GRK3: variants seen among roughly 807,000 people sequenced by gnomAD.
GRK3 encodes the protein adrenergic, beta, receptor kinase 2.
A neutral mutation model predicts 95.7 loss-of-function variants in GRK3; 54 were observed. The ratio of observed to expected loss-of-function variants is 0.56; its 90% confidence interval spans 0.45 to 0.71. GRK3 has a LOEUF of 0.71. Ranked by LOEUF, GRK3 falls within the 30% of genes least tolerant of loss-of-function variation. GRK3 has a pLI of 0.00. For synonymous variants in GRK3, 281 were observed against 290.8 expected, an observed-to-expected ratio of 0.97 and a Z score of 0.34; for missense variants, 649 against 851.2, an observed-to-expected ratio of 0.76 and a Z score of 2.96.
chr22:25,617,698 A>C lies in GRK3; in HGVS notation c.190+13245A>C, dbSNP rs1181752124. Among the ~76,000 whole-genome samples the C allele has an allele frequency of 2.0e-5, 3 of 152,202 alleles. No homozygotes were observed. In the East Asian group the frequency reaches 5.8e-4, roughly 29 times the overall value. ...TCATATAAATGGATTCAAACAGTAC[A>C]TGCTCTTTTGTGTCTGATTTATGTG... On this transcript the variant is annotated intron_variant, in intron 2 of 20. Coordinates refer to ENST00000324198, the MANE Select transcript of GRK3 (RefSeq NM_005160.4).
intron 1 of GRK3, among the ~76,000 whole-genome samples, chr22:25,575,110 C>A (rs558306925): frequency 6.6e-6 from 1 of 152,310 alleles, no homozygotes; most frequent in African/African-American, 2.4e-5. Flanking sequence ...ATTTAGTTGA[C>A]TGGCTTATTA....
chr22:25,674,634 T>C, intron 8 of GRK3, 106 bp downstream of exon 8: 1 of 862,622 alleles, frequency 1.2e-6, no homozygotes, highest in South Asian at 1.7e-5. Context: ...ACATTTCTTT[T>C]GAAGTACTTT....
intron 9 of GRK3, among the ~76,000 whole-genome samples, chr22:25,684,251 A>G (rs1212289521): frequency 6.6e-6 from 1 of 152,204 alleles, no homozygotes; most frequent in Admixed American, 6.5e-5. Flanking sequence ...TGTCTGAATT[A>G]CTGTTGCTTT....
rs984051977 is a variant in GRK3, at chr22:25,676,566, C to A, written c.647+2038C>A. ...ATTAGCTGGGAGTTGTCATGGGCGC[C>A]TCTAGTCCCAGCTACTCGAGAGGCT... On this transcript the variant is annotated intron_variant, in intron 8 of 20. Transcript: ENST00000324198. Among the ~76,000 whole-genome samples the A allele has an allele frequency of 2.0e-5, 3 of 151,896 alleles. No homozygotes were observed. The East Asian group carries it at 5.8e-4, about 29-fold the overall frequency.
intron 2 of GRK3, among the ~76,000 whole-genome samples, chr22:25,616,387 GGAGAGAGA>G (rs143019947): frequency 6.7e-6 from 1 of 149,638 alleles, no homozygotes; most frequent in Admixed American, 6.7e-5. Context: ...AGAGAGGGAG[GGAGAGAGA>G]GAGAGAGAGA....
chr22:25,668,793 T>A (rs909907096), intron 6 of GRK3, among the ~76,000 whole-genome samples: 1 of 152,078 alleles, frequency 6.6e-6, no homozygotes, highest in Admixed American at 6.6e-5. Context: ...AAACCTAACT[T>A]TTGTGTGATC....
At position 25,723,815 on chromosome 22, in the gene GRK3, G is replaced by A. The variant is rs1287523140; in HGVS notation, c.*1365G>A. 1 of 152,032 alleles carries A rather than the reference G, an allele frequency of 6.6e-6. No individual in the cohort carries two copies. Among genetic ancestry groups the A allele is most frequent in the African/African-American group, 2.4e-5 (1 of 41,390 alleles). The allele number at this position is 152,032 out of a possible 1,614,324, so 9.4% of individuals were successfully genotyped here. On this transcript the variant is annotated 3_prime_UTR_variant, in exon 21 of 21. Coordinates refer to ENST00000324198, the MANE Select transcript of GRK3 (RefSeq NM_005160.4). ...CTGCATCCTGTCCTTGATATTTTTA[G>A]CAGTTCCAAATCTTTGTTTTTGTAT...
In GRK3 at chr22:25,704,201, C is replaced by T. The variant is rs181257790; in HGVS notation, c.1320C>T (p.His440=). The change falls in exon 15 of 21, where the codon CAC becomes CAT. Residue 440 remains histidine, a synonymous_variant. Coordinates refer to ENST00000324198, the MANE Select transcript of GRK3 (RefSeq NM_005160.4). ...QRDVSKRLGC[H]GGGSQEVKEH... ...ACGTTAGCAAGCGGCTGGGCTGTCACGGAGGCGGGTAGGCCATTGTTCCTG... is the reference window on the plus strand; with the variant it reads ...ACGTTAGCAAGCGGCTGGGCTGTCATGGAGGCGGGTAGGCCATTGTTCCTG... 65 of 1,612,030 alleles carry T rather than the reference C, an allele frequency of 4.0e-5. No homozygotes were observed. Among genetic ancestry groups the T allele is most frequent in the African/African-American group, 8.0e-5 (6 of 74,954 alleles).
At chr22:25,620,028 G>T (rs1300443369) in intron 2 of GRK3, among the ~76,000 whole-genome samples, 7 of 148,914 alleles carry the variant, frequency 4.7e-5, no homozygotes, top group Non-Finnish European at 9.0e-5. Context: ...GTGTGTGTGT[G>T]TGTGTGTGTG....
In GRK3 at chr22:25,690,296, T is replaced by G; in HGVS notation, c.1052+13T>G. The G allele has an allele frequency of 6.3e-7, 1 of 1,592,638 alleles. No individual in the cohort carries two copies. The highest frequency in any genetic ancestry group is 8.6e-7 in the Non-Finnish European group (1 of 1,160,680). ...CTCATGCGAGTGTGTAAGTAGTGCG[T>G]CAACTTCAGTTCACCACCATTTCTC... On this transcript the variant is annotated intron_variant, in intron 12 of 20. Coordinates refer to ENST00000324198, the MANE Select transcript of GRK3 (RefSeq NM_005160.4).
chr22:25,697,348 T>G (rs1438282618), intron 13 of GRK3, among the ~76,000 whole-genome samples: 1 of 152,234 alleles, frequency 6.6e-6, no homozygotes, highest in Non-Finnish European at 1.5e-5. Context: ...AATTCAGTCT[T>G]ATTTGGCTGT....
At chr22:25,657,134 C>T (rs1210178722) in intron 3 of GRK3, among the ~76,000 whole-genome samples, 1 of 152,134 alleles carries the variant, frequency 6.6e-6, no homozygotes, top group East Asian at 1.9e-4. Context: ...AACACATTTA[C>T]ATTTTATTCT....
At position 25,647,662 on chromosome 22, in the gene GRK3, A is replaced by G. The variant is rs78722309; in HGVS notation, c.264+2997A>G. ...AGGAGACTGGTGGGAAGCAAGATCA[A>G]TCACTACAGGAAAGAATGGTTATAT... is the stretch of plus-strand genomic sequence containing the variant. On this transcript the variant is annotated intron_variant, in intron 3 of 20. Coordinates refer to ENST00000324198, the MANE Select transcript of GRK3 (RefSeq NM_005160.4). The G allele has an allele frequency of 7.8e-4, 1,105 of 1,408,830 alleles. 8 individuals carry two copies. In the African/African-American group the frequency reaches 0.013, roughly 17 times the overall value. The allele number at this position is 1,408,830 out of a possible 1,614,324, so 87.3% of individuals were successfully genotyped here.
chr22:25,647,421 C>T (rs1381683130), intron 3 of GRK3: 28 of 1,318,650 alleles, frequency 2.1e-5, no homozygotes, highest in East Asian at 9.2e-5. Flanking sequence ...TAATTTCAGC[C>T]GTCTTTCCAT....
chr22:25,645,172 G>A (rs1038820356), intron 3 of GRK3, among the ~76,000 whole-genome samples: 1 of 152,168 alleles, frequency 6.6e-6, no homozygotes, highest in African/African-American at 2.4e-5. Context: ...GAGCTGAAGA[G>A]AGAGGCCAGA....
chr22:25,716,836 G>T (rs562636118), intron 18 of GRK3, among the ~76,000 whole-genome samples: 71 of 152,380 alleles, frequency 4.7e-4, no homozygotes, highest in African/African-American at 1.6e-3. Flanking sequence ...AGTGCTGGGC[G>T]AGTGAGCATC....
At position 25,704,217 on chromosome 22, in the gene GRK3, A is replaced by G. The variant is rs200697707; in HGVS notation, c.1328+8A>G. 5.9e-5 allele frequency: 95 copies of G among 1,606,578 alleles called. No individual in the cohort carries two copies. The highest frequency in any genetic ancestry group is 6.6e-5 in the Non-Finnish European group (77 of 1,174,474). On this transcript the variant is annotated splice_region_variant and intron_variant, in intron 15 of 20. Transcript: ENST00000324198. ...GGGCTGTCACGGAGGCGGGTAGGCC[A>G]TTGTTCCTGCCTTTCGGTATCTTTA... is the stretch of plus-strand genomic sequence containing the variant.
In GRK3 at chr22:25,728,413, T is replaced by G. The variant is rs895927330; in HGVS notation, c.*5963T>G. The G allele has an allele frequency of 6.6e-6, 1 of 152,204 alleles. No individual in the cohort carries two copies. The highest frequency in any genetic ancestry group is 1.5e-5 in the Non-Finnish European group (1 of 68,040). The allele number at this position is 152,204 out of a possible 1,614,324, so 9.4% of individuals were successfully genotyped here. Reference sequence around the variant, plus strand: ...TGTAAGACTTTGCAGTGTCATTCCCTCAGAACCTAGGTTTGTTTCTAAAGC... The same window carrying G: ...TGTAAGACTTTGCAGTGTCATTCCCGCAGAACCTAGGTTTGTTTCTAAAGC... On this transcript the variant is annotated 3_prime_UTR_variant, in exon 21 of 21. Transcript: ENST00000324198.
chr22:25,636,846 A>T (rs1450641811), intron 2 of GRK3, among the ~76,000 whole-genome samples: 3 of 152,130 alleles, frequency 2.0e-5, no homozygotes, highest in East Asian at 3.9e-4. Flanking sequence ...TGACCAACGT[A>T]ATGTCTGACA....
Sources: gnomAD v4.1 joint callset for allele counts (sites outside exome capture counted in the v4.1 genomes callset) on GRCh38, gnomAD v4.1.1 for gene constraint, MANE v1.5 for transcripts, NCBI Gene and HGNC (gene_info 2026-07-23, HGNC 2026-07-21) for gene names.